PLCH2: variants seen among roughly 807,000 people sequenced by gnomAD.
PLCH2 encodes 1-phosphatidylinositol 4,5-bisphosphate phosphodiesterase eta-2.
A neutral mutation model predicts 134.7 loss-of-function variants in PLCH2; 98 were observed. The observed-to-expected ratio is 0.73, with a 90% CI of 0.62 to 0.86. The LOEUF is 0.86. PLCH2 is among the 40% of genes least tolerant of loss of function. The pLI is 0.00. For synonymous variants in PLCH2, 974 were observed against 827.5 expected (o/e 1.18, Z -3.04); for missense variants, 1,994 against 1,986.6 (o/e 1.00, Z -0.07).
chr1:2,498,361 C>A lies in PLCH2; in HGVS notation c.2225-162C>A, dbSNP rs9424315. On this transcript the variant is annotated intron_variant, in intron 16 of 21. Transcript: ENST00000378486. The surrounding 1 kb of genome is among the most constrained non-coding windows in gnomAD (Gnocchi z 5.4). ...GGTGATCCATACTGGGCCAGGTGCA[C>A]CCCGAGGTGCCCCCCTGGACCACTG... The A allele has an allele frequency of 3.0e-3, 2,145 of 710,610 alleles. 34 individuals carry two copies. The African/African-American group carries it at 0.032, about 11-fold the overall frequency. The allele number at this position is 710,610 out of a possible 1,614,324, so 44.0% of individuals were successfully genotyped here.
chr1:2,476,717 GA>G lies in PLCH2; in HGVS notation c.124+7del, dbSNP rs745786985. The G allele has an allele frequency of 6.2e-7, 1 of 1,603,428 alleles. No individual in the cohort carries two copies. Among genetic ancestry groups the G allele is most frequent in the Non-Finnish European group, 8.5e-7 (1 of 1,176,094 alleles). ...AGTGGCAGCTCGGCCCCCTGGGTAA[GA>G]AGGGGCAGGCGAGTGGCCTGGGCTG... On this transcript the variant is annotated splice_donor_region_variant and intron_variant, in intron 1 of 21. Transcript: ENST00000378486.
chr1:2,431,472 C>A (rs185503823), intron 2 of PLCH2, among the ~76,000 whole-genome samples: 4 of 152,292 alleles, frequency 2.6e-5, no homozygotes, highest in Non-Finnish European at 5.9e-5. Flanking sequence ...GAGCTGCACA[C>A]AGCCCCTGCC....
chr1:2,465,060 T>G (rs1640992470), upstream of PLCH2, among the ~76,000 whole-genome samples: 1 of 152,138 alleles, frequency 6.6e-6, no homozygotes. Context: ...GTGTTTCCAT[T>G]GCACATCAAG....
In PLCH2 at chr1:2,498,920, G is replaced by A; in HGVS notation, c.2434+92G>A. On this transcript the variant is annotated intron_variant, in intron 18 of 21. Transcript: ENST00000378486. This position sits in a 1 kb window ranked among gnomAD's most constrained non-coding sequence, Gnocchi z 5.4. ...TGGTGTGCCCGGGTGCCCTGCCCAG[G>A]CCTCCCTCAGTGACAGTCCTGGGCG... is the stretch of plus-strand genomic sequence containing the variant. The A allele has an allele frequency of 1.5e-6, 2 of 1,345,644 alleles. No homozygotes were observed. The highest frequency in any genetic ancestry group is 2.1e-6 in the Non-Finnish European group (2 of 963,374). The allele number at this position is 1,345,644 out of a possible 1,614,324, so 83.4% of individuals were successfully genotyped here.
chr1:2,476,056 C>T (rs1179974780), upstream of PLCH2, among the ~76,000 whole-genome samples: 3 of 152,228 alleles, frequency 2.0e-5, no homozygotes, highest in Non-Finnish European at 4.4e-5. Flanking sequence ...GAGGACAGTA[C>T]CCTGCAGGCC....
chr1:2,440,281 G>T (rs1217270594), intron 2 of PLCH2, among the ~76,000 whole-genome samples: 1 of 152,170 alleles, frequency 6.6e-6, no homozygotes, highest in Non-Finnish European at 1.5e-5. Context: ...GCTGGAGCTG[G>T]GGAGGATCTC....
At chr1:2,461,258 C>T (rs376305599) in intron 2 of PLCH2, among the ~76,000 whole-genome samples, 1 of 152,314 alleles carries the variant, frequency 6.6e-6, no homozygotes, top group East Asian at 1.9e-4. Flanking sequence ...AGGGCAGTGC[C>T]TGCTCCCTCA....
chr1:2,486,716 A>C (rs1642305330), intron 5 of PLCH2, among the ~76,000 whole-genome samples, 191 bp from the exon 6 acceptor site: 1 of 152,240 alleles, frequency 6.6e-6, no homozygotes, highest in South Asian at 2.1e-4. Context: ...CAGAGTTCAT[A>C]GTCAGAGCAA....
At chr1:2,503,507 CCTT>C in intron 21 of PLCH2, 1 of 661,928 alleles carries the variant, frequency 1.5e-6, no homozygotes, top group Non-Finnish European at 2.7e-6. Flanking sequence ...AAGGGTGTCT[CCTT>C]AGCCTGGAGG....
chr1:2,457,330 G>C (rs1041991816), intron 2 of PLCH2, among the ~76,000 whole-genome samples: 9 of 152,130 alleles, frequency 5.9e-5, no homozygotes, highest in African/African-American at 2.2e-4. Context: ...GGCCTTTCCA[G>C]CCATGGCTGG....
At chr1:2,425,688 G>A (rs1638759309), upstream of PLCH2, among the ~76,000 whole-genome samples, 6 of 145,636 alleles carry the variant, frequency 4.1e-5, no homozygotes. Flanking sequence ...TAATTTTGGT[G>A]TGTTTTTTTT....
chr1:2,502,901 T>C, intron 21 of PLCH2: 3 of 717,194 alleles, frequency 4.2e-6, no homozygotes, highest in East Asian at 2.7e-5. Flanking sequence ...ATCCCCCATG[T>C]TCTCCGCCGG....
Position 2,504,157 on chromosome 1 carries a change from C to T in PLCH2, c.3195C>T (p.Gly1065=), listed in dbSNP as rs750431063. ...GGCCGTGCAACGGCGAGGGCGCCGG[C>T]GGGGCATACGAGAGGGCCCCCGGCA... The part of the protein sequence containing the change: ...RPRPCNGEGA[G]GAYERAPGSQ... The change falls in exon 22 of 22, where the codon GGC becomes GGT. Residue 1065 remains glycine (G), a synonymous_variant. Transcript: ENST00000378486. 127 of 1,524,460 alleles carry T rather than the reference C, an allele frequency of 8.3e-5. 1 individual carries two copies. The East Asian group carries it at 2.3e-3, about 27-fold the overall frequency. 94.4% of individuals were successfully genotyped at this position (1,524,460 alleles called of 1,614,324 possible). A position where few individuals can be genotyped will look rare whatever the true frequency, so the allele number is the denominator to read the frequency against.
intron 1 of PLCH2, among the ~76,000 whole-genome samples, chr1:2,469,788 G>C (rs114540621): frequency 6.6e-6 from 1 of 152,192 alleles, no homozygotes; most frequent in Non-Finnish European, 1.5e-5. Context: ...CGGGCCTCCC[G>C]TGTGGGGGCA....
At position 2,444,782 on chromosome 1, in the gene PLCH2, T is replaced by G. The variant is rs368927415; in HGVS notation, c.115+14153T>G. Among the ~76,000 whole-genome samples, 27 of 151,902 alleles carry G rather than the reference T, an allele frequency of 1.8e-4. No homozygotes were observed. The highest frequency in any genetic ancestry group is 6.3e-4 in the African/African-American group (26 of 41,400). ...GAACTGCCCTTCCCCCATGGCCTTC[T>G]CCCTCCAGGAGAATGGACCCGATCG... On this transcript the variant is annotated intron_variant, in intron 2 of 3. Coordinates refer to the PLCH2 transcript ENST00000609981. This position sits in a 1 kb window ranked among gnomAD's most constrained non-coding sequence, Gnocchi z 4.6.
chr1:2,463,371 TG>T (rs1640913138), upstream of PLCH2, among the ~76,000 whole-genome samples: 1 of 152,192 alleles, frequency 6.6e-6, no homozygotes, highest in Admixed American at 6.5e-5. Context: ...CAGGGACACA[TG>T]GGGGACCTCG....
chr1:2,471,942 C>T (rs1248061097), upstream of PLCH2, among the ~76,000 whole-genome samples: 4 of 152,210 alleles, frequency 2.6e-5, no homozygotes, highest in Admixed American at 6.5e-5. Flanking sequence ...ACACGGAGGG[C>T]GCTGCCAGAG....
chr1:2,454,940 C>T (rs1218744443), intron 2 of PLCH2, among the ~76,000 whole-genome samples: 2 of 152,144 alleles, frequency 1.3e-5, no homozygotes, highest in Non-Finnish European at 2.9e-5. Context: ...CCCCAGAAAC[C>T]TGTTGTCCAG....
chr1:2,489,895 C>T (rs371074095), intron 10 of PLCH2, 28 bp downstream of exon 10: 50 of 1,472,008 alleles, frequency 3.4e-5, no homozygotes, highest in Non-Finnish European at 4.2e-5. Flanking sequence ...TGGAGGGGGG[C>T]GCGTGGAGCC....
Sources: allele counts gnomAD v4.1 joint callset (sites outside exome capture counted in the v4.1 genomes callset), GRCh38; gene constraint gnomAD v4.1.1; non-coding constraint Gnocchi (gnomAD v3.1); transcripts MANE v1.5; gene names NCBI Gene and HGNC (gene_info 2026-07-23, HGNC 2026-07-21).